The following TTC12 variants were observed in gnomAD, a reference collection of about 807,000 sequenced individuals.
The protein encoded by TTC12 is tetratricopeptide repeat protein 12.
In TTC12, 70 loss-of-function variants were observed where a neutral mutation model predicts 90.1. The ratio of observed to expected loss-of-function variants is 0.78; its 90% CI spans 0.64 to 0.95. The LOEUF (loss-of-function observed/expected upper bound fraction) is 0.95, where lower values mean the gene tolerates loss of function less well. Ranked by LOEUF, TTC12 falls within the 40% of genes least tolerant of loss-of-function variation. The probability of loss-of-function intolerance (pLI) is 0.00; values close to 1 mark genes in which losing one functional copy is unlikely to be tolerated. For synonymous variants in TTC12, 296 were observed against 311.5 expected, an observed-to-expected ratio of 0.95 and a Z score of 0.53; for missense variants, 819 against 846.1, an observed-to-expected ratio of 0.97 and a Z score of 0.40.
chr11:113,331,200 A>C (rs1555142471), intron 7 of TTC12, among the ~76,000 whole-genome samples: 1 of 152,208 alleles, frequency 6.6e-6, no homozygotes, highest in Non-Finnish European at 1.5e-5. Flanking sequence ...TATAGTCTTT[A>C]AGTTATAAGA....
At chr11:113,328,545 C>T (rs1188533721) in intron 6 of TTC12, among the ~76,000 whole-genome samples, 7 of 151,928 alleles carry the variant, frequency 4.6e-5, no homozygotes, top group Admixed American at 4.6e-4. Context: ...ATATGTCACT[C>T]TACTTCTTTC....
At chr11:113,361,860 G>A (rs1335796854) in intron 18 of TTC12, among the ~76,000 whole-genome samples, 1 of 150,280 alleles carries the variant, frequency 6.7e-6, no homozygotes, top group Non-Finnish European at 1.5e-5. Flanking sequence ...AGATGATATA[G>A]GAAACAGAAG....
At chr11:113,325,938 C>T (rs1947664340) in intron 6 of TTC12, among the ~76,000 whole-genome samples, 1 of 152,156 alleles carries the variant, frequency 6.6e-6, no homozygotes, top group African/African-American at 2.4e-5. Flanking sequence ...GGTGACCATG[C>T]ACTTGTCCCT....
chr11:113,347,783 GTGGGTGAC>G lies in TTC12; in HGVS notation c.1155-2286_1155-2279del, dbSNP rs1460400847. Among the ~76,000 whole-genome samples the G allele has an allele frequency of 2.0e-4, 30 of 152,278 alleles. 1 individual carries two copies. The highest frequency in any genetic ancestry group is 1.5e-4 in the Non-Finnish European group (10 of 68,014). ...GCTAAATAGATCCAGCACCATAGATGTGGGTGACTGGAATTCATATTCCCAAAAGCCCA... is the reference window on the plus strand; with the variant it reads ...GCTAAATAGATCCAGCACCATAGATGTGGAATTCATATTCCCAAAAGCCCA... On this transcript the variant is annotated intron_variant, in intron 13 of 21. Transcript: ENST00000529221.
chr11:113,352,438 ATTAT>A (rs549245546), intron 16 of TTC12, among the ~76,000 whole-genome samples: 37 of 151,836 alleles, frequency 2.4e-4, no homozygotes, highest in Middle Eastern at 6.8e-3. Flanking sequence ...ATTTTTAAAA[ATTAT>A]TTATTTATTT....
chr11:113,366,245 A>G lies in TTC12; in HGVS notation c.2063A>G (p.Lys688Arg). The G allele has an allele frequency of 6.2e-7, 1 of 1,613,670 alleles. No homozygotes were observed. The highest frequency in any genetic ancestry group is 8.5e-7 in the Non-Finnish European group (1 of 1,180,026). The change falls in exon 22 of 22, where the codon AAG becomes AGG. Residue 688 changes from lysine to arginine, a missense_variant. Lys to Arg is a conservative substitution (Grantham distance 26). Transcript: ENST00000529221. ...AEPRFAAQLRKLHGLEILNST... is the reference protein window; with the variant it reads ...AEPRFAAQLRRLHGLEILNST... ...GACAGATTTGCTGCTCAACTGAGAA[A>G]GCTTCATGGCCTAGAAATTCTCAAC...
intron 21 of TTC12, 96 bp downstream of exon 21, chr11:113,365,156 A>T: frequency 9.3e-7 from 1 of 1,074,206 alleles, no homozygotes; most frequent in Non-Finnish European, 1.4e-6. Context: ...CACACAGAAC[A>T]GTGTGGGAAG....
At chr11:113,338,049 C>T (rs558892379) in intron 8 of TTC12, among the ~76,000 whole-genome samples, 1 of 149,470 alleles carries the variant, frequency 6.7e-6, no homozygotes, top group African/African-American at 2.5e-5. Context: ...CTTGAACCTT[C>T]AAGATTATCT....
intron 7 of TTC12, among the ~76,000 whole-genome samples, chr11:113,333,444 CAT>C (rs1472621114): frequency 6.6e-6 from 1 of 152,068 alleles, no homozygotes; most frequent in Admixed American, 6.6e-5. Flanking sequence ...TTTTCTGTAG[CAT>C]TTATATGCTT....
In TTC12 at chr11:113,329,540, C is replaced by T. The variant is rs75504384; in HGVS notation, c.445-380C>T. ...TTGGGGTATTTATTCTCCTGGCCTTCGGCTCTGGTGAAGGCCTCAGCTCAT... is the reference window on the plus strand; with the variant it reads ...TTGGGGTATTTATTCTCCTGGCCTTTGGCTCTGGTGAAGGCCTCAGCTCAT... On this transcript the variant is annotated intron_variant, in intron 6 of 21. Coordinates refer to ENST00000529221, the MANE Select transcript of TTC12 (RefSeq NM_017868.4). 2,893 of 459,744 alleles carry T rather than the reference C, an allele frequency of 6.3e-3. 76 individuals are homozygous for T. The highest frequency in any genetic ancestry group is 0.053 in the African/African-American group (2,645 of 50,342). The allele number at this position is 459,744 out of a possible 1,614,324, so 28.5% of individuals were successfully genotyped here.
chr11:113,325,749 T>C, intron 6 of TTC12, 104 bp downstream of exon 6: 1 of 1,464,494 alleles, frequency 6.8e-7, no homozygotes, highest in Non-Finnish European at 9.3e-7. Flanking sequence ...GAAATGTTTA[T>C]AAGAACTGGC....
chr11:113,338,891 C>A (rs1428723354), intron 9 of TTC12, 57 bp downstream of exon 9: 1 of 1,480,590 alleles, frequency 6.8e-7, no homozygotes, highest in Non-Finnish European at 9.4e-7. Flanking sequence ...CTGCCCCCTG[C>A]CTTAGAATGC....
At chr11:113,324,758 C>A in intron 5 of TTC12, 76 bp downstream of exon 5, 1 of 1,269,538 alleles carries the variant, frequency 7.9e-7, no homozygotes, top group Non-Finnish European at 1.1e-6. Context: ...TGTATGCTGA[C>A]ATTTGAGGAC....
intron 8 of TTC12, among the ~76,000 whole-genome samples, chr11:113,337,513 A>G (rs970978570): frequency 6.6e-6 from 1 of 152,160 alleles, no homozygotes; most frequent in Non-Finnish European, 1.5e-5. Context: ...TGGTGGAGGG[A>G]TAGCTAGAAT....
chr11:113,346,461 G>A (rs1555148150), intron 13 of TTC12, among the ~76,000 whole-genome samples: 1 of 152,120 alleles, frequency 6.6e-6, no homozygotes, highest in Non-Finnish European at 1.5e-5. Context: ...GTGGCTTAAA[G>A]ACGTCGAGGT....
chr11:113,324,565 G>A (rs373445843), intron 4 of TTC12, 40 bp from the exon 5 acceptor site: 36 of 1,559,238 alleles, frequency 2.3e-5, no homozygotes, highest in Non-Finnish European at 3.1e-5. Context: ...TATAGTATTT[G>A]GATTTTTCTT....
At chr11:113,363,645 C>T (rs536230493) in intron 19 of TTC12, among the ~76,000 whole-genome samples, 183 bp from the exon 20 acceptor site, 19 of 152,286 alleles carry the variant, frequency 1.2e-4, no homozygotes, top group South Asian at 1.0e-3. Flanking sequence ...AGAGAGGATG[C>T]GGGTGACACT....
At chr11:113,357,860 A>G (rs1228736079) in intron 16 of TTC12, among the ~76,000 whole-genome samples, 1 of 152,238 alleles carries the variant, frequency 6.6e-6, no homozygotes, top group African/African-American at 2.4e-5. Flanking sequence ...GGGTGTTGTT[A>G]GCCCAAGAAT....
At position 113,340,666 on chromosome 11, in the gene TTC12, A is replaced by G. The variant is rs1555145698; in HGVS notation, c.829A>G (p.Thr277Ala). ...EILTEMINEC[T>A]EQTLFRMHNG... ...GGTTTTCTTTGTATCTGTTTCAGGC[A>G]CAGAACAAACTTTATTCAGAATGCA... The change falls in exon 11 of 22, where the codon ACA becomes GCA. Residue 277 changes from threonine (T) to alanine (A), a missense_variant and splice_region_variant. Physicochemically the swap from Thr to Ala is moderately conservative, Grantham distance 58. Transcript: ENST00000529221. The G allele has an allele frequency of 3.1e-6, 5 of 1,614,002 alleles. No individual in the cohort carries two copies. Among genetic ancestry groups the G allele is most frequent in the Admixed American group, 1.7e-5 (1 of 60,024 alleles).
Sources: allele counts gnomAD v4.1 joint callset (sites outside exome capture counted in the v4.1 genomes callset), GRCh38; gene constraint gnomAD v4.1.1; transcripts MANE v1.5; gene names NCBI Gene and HGNC (gene_info 2026-07-23, HGNC 2026-07-21).